The following ARFGEF2 variants were observed in gnomAD, a reference collection of about 807,000 sequenced individuals.
ARFGEF2 encodes the protein brefeldin A-inhibited guanine nucleotide-exchange protein 2.
Under a neutral mutation model 219.9 loss-of-function variants are expected in ARFGEF2, and 74 were observed. The ratio of observed to expected loss-of-function variants is 0.34; its 90% confidence interval spans 0.28 to 0.41. The LOEUF (loss-of-function observed/expected upper bound fraction) is 0.41, where lower values mean the gene tolerates loss of function less well. Among genes scored for constraint, ARFGEF2 ranks in the 10% least tolerant of loss-of-function variants. The probability of loss-of-function intolerance (pLI) is 1.00; values close to 1 mark genes in which losing one functional copy is unlikely to be tolerated. For missense variants in ARFGEF2, 1,743 were observed against 2,218.3 expected, an observed-to-expected ratio of 0.79 and a Z score of 4.30; for synonymous variants, 733 against 799.2, an observed-to-expected ratio of 0.92 and a Z score of 1.40.
intron 1 of ARFGEF2, among the ~76,000 whole-genome samples, chr20:48,925,532 C>T (rs1168247961): frequency 1.3e-5 from 2 of 151,996 alleles, no homozygotes; most frequent in Admixed American, 6.6e-5. Flanking sequence ...ATTTAAAATT[C>T]GATATGGAAA....
intron 26 of ARFGEF2, 24 bp from the exon 27 acceptor site, chr20:49,010,208 A>G (rs967361968): frequency 6.2e-7 from 1 of 1,609,716 alleles, no homozygotes; most frequent in Non-Finnish European, 8.5e-7. Flanking sequence ...TACAGACGAT[A>G]TGGCCGTCCC....
At chr20:49,004,468 G>T (rs927687668) in intron 25 of ARFGEF2, among the ~76,000 whole-genome samples, 1 of 151,726 alleles carries the variant, frequency 6.6e-6, no homozygotes, top group Non-Finnish European at 1.5e-5. Flanking sequence ...GAAAAATTGG[G>T]TATAGTTGCA....
At position 48,922,129 on chromosome 20, in the gene ARFGEF2, C is replaced by G. The variant is rs1262138210; in HGVS notation, c.121+119C>G. On this transcript the variant is annotated intron_variant, in intron 1 of 38. Transcript: ENST00000371917. ...GCTTCCCCCCGATCCCGAATTCCAC[C>G]CTTCCGGCCTCCTCCTCATTATACC... 4 of 1,433,408 alleles carry G rather than the reference C, an allele frequency of 2.8e-6. No individual in the cohort carries two copies. In the African/African-American group the frequency reaches 4.3e-5, roughly 15 times the overall value. The allele number at this position is 1,433,408 out of a possible 1,614,324, so 88.8% of individuals were successfully genotyped here.
chr20:48,997,094 CT>C (rs1303771877), intron 23 of ARFGEF2, among the ~76,000 whole-genome samples: 3 of 151,964 alleles, frequency 2.0e-5, no homozygotes, highest in African/African-American at 7.3e-5. Context: ...CCCTTTAATT[CT>C]ATCCTTTTTC....
At position 48,963,175 on chromosome 20, in the gene ARFGEF2, C is replaced by CAAAAAAAAA. The variant is rs71337478; in HGVS notation, c.839-649_839-641dup. On this transcript the variant is annotated intron_variant, in intron 6 of 38. Coordinates refer to ENST00000371917, the MANE Select transcript of ARFGEF2 (RefSeq NM_006420.3). ...TGGGCAAGACAGCAAAACTCTGTCTCAAAAAAAAAAAAAAGTAATGTTTAC... is the reference window on the plus strand; with the variant it reads ...TGGGCAAGACAGCAAAACTCTGTCTCAAAAAAAAAAAAAAAAAAAAAAAGTAATGTTTAC... Among the ~76,000 whole-genome samples the CAAAAAAAAA allele has an allele frequency of 7.3e-4, 81 of 110,834 alleles. 3 individuals are homozygous for CAAAAAAAAA. The South Asian group carries it at 0.01, about 14-fold the overall frequency. The allele number at this position is 110,834 out of a possible 152,430, so 72.7% of individuals were successfully genotyped here. A position where few individuals can be genotyped will look rare whatever the true frequency, so the allele number is the denominator to read the frequency against.
chr20:48,978,754 T>G (rs2123436164), intron 14 of ARFGEF2, among the ~76,000 whole-genome samples: 1 of 152,354 alleles, frequency 6.6e-6, no homozygotes, highest in African/African-American at 2.4e-5. Flanking sequence ...GGGAGTTCAC[T>G]CATGATTTGG....
At position 48,974,943 on chromosome 20, in the gene ARFGEF2, T is replaced by C; in HGVS notation, c.1774+69T>C. ...CTCCTACGACTGCTAGGAACAGTTGTCTTAGTATAGTTGTCTTAGAATTGA... is the reference window on the plus strand; with the variant it reads ...CTCCTACGACTGCTAGGAACAGTTGCCTTAGTATAGTTGTCTTAGAATTGA... On this transcript the variant is annotated intron_variant, in intron 13 of 38. Transcript: ENST00000371917. 2.3e-6 allele frequency: 3 copies of C among 1,310,298 alleles called. No homozygotes were observed. In the South Asian group the frequency reaches 3.7e-5, roughly 16 times the overall value. The allele number at this position is 1,310,298 out of a possible 1,614,324, so 81.2% of individuals were successfully genotyped here.
At chr20:48,941,291 G>C in intron 2 of ARFGEF2, 62 bp downstream of exon 2, 7 of 1,545,900 alleles carry the variant, frequency 4.5e-6, no homozygotes, top group Non-Finnish European at 6.2e-6. Context: ...AGCAACTGGG[G>C]GAGCCTCTTT....
At chr20:49,009,272 C>T (rs1486939744) in intron 26 of ARFGEF2, among the ~76,000 whole-genome samples, 2 of 152,148 alleles carry the variant, frequency 1.3e-5, no homozygotes, top group East Asian at 3.9e-4. Flanking sequence ...TGACTTTCTC[C>T]TTGCCTTCTC....
rs547717575 is a variant in ARFGEF2 at position 48,923,803 on chromosome 20, C to G, written c.121+1793C>G. ...AAAGTGTGCATCATATTATTGGAAC[C>G]TACTTATAAAATTTTCATCTGGGTC... On this transcript the variant is annotated intron_variant, in intron 1 of 38. Coordinates refer to ENST00000371917, the MANE Select transcript of ARFGEF2 (RefSeq NM_006420.3). Among the ~76,000 whole-genome samples the G allele has an allele frequency of 5.3e-5, 8 of 152,274 alleles. No individual in the cohort carries two copies. In the South Asian group the frequency reaches 1.7e-3, roughly 32 times the overall value.
chr20:49,011,453 A>G (rs1568736585), intron 27 of ARFGEF2, among the ~76,000 whole-genome samples: 6 of 152,202 alleles, frequency 3.9e-5, no homozygotes, highest in Admixed American at 3.9e-4. Context: ...AATAAATACA[A>G]CAACTTGCCT....
chr20:48,936,465 C>T (rs1396454642), intron 1 of ARFGEF2, among the ~76,000 whole-genome samples: 10 of 149,202 alleles, frequency 6.7e-5, no homozygotes, highest in African/African-American at 1.7e-4. Flanking sequence ...GGGCGGCTGC[C>T]GGGCGGAGGG....
chr20:49,001,435 T>C (rs908090523), intron 25 of ARFGEF2, among the ~76,000 whole-genome samples: 2 of 152,096 alleles, frequency 1.3e-5, no homozygotes, highest in Non-Finnish European at 2.9e-5. Flanking sequence ...TTTGAAGAAA[T>C]AGATATGGCT....
intron 6 of ARFGEF2, among the ~76,000 whole-genome samples, chr20:48,957,308 C>T (rs925251953): frequency 5.3e-5 from 8 of 152,210 alleles, no homozygotes; most frequent in African/African-American, 1.4e-4. Flanking sequence ...AATGTAGGCA[C>T]ATTCCCTCCC....
chr20:48,941,839 C>T (rs968683319), intron 2 of ARFGEF2, 25 bp from the exon 3 acceptor site: 11 of 1,614,084 alleles, frequency 6.8e-6, no homozygotes, highest in Admixed American at 3.3e-5. Context: ...TTTCTTCTCC[C>T]GACCCTCTCT....
chr20:49,013,989 G>A (rs766357326), intron 30 of ARFGEF2, 29 bp downstream of exon 30: 7 of 1,613,322 alleles, frequency 4.3e-6, no homozygotes, highest in Non-Finnish European at 5.9e-6. Context: ...ACTGCCCTAG[G>A]TATGATGGAG....
In ARFGEF2 at chr20:49,023,048, T is replaced by C; in HGVS notation, c.4625-3T>C. ...TAGGGTTAATCTTTATCATCTAACA[T>C]AGATCAGAAACTGTTTGCCAGCCTC... On this transcript the variant is annotated splice_region_variant and splice_polypyrimidine_tract_variant and intron_variant, in intron 34 of 38. Coordinates refer to ENST00000371917, the MANE Select transcript of ARFGEF2 (RefSeq NM_006420.3). 6.2e-7 allele frequency: 1 copy of C among 1,614,180 alleles called. No individual in the cohort carries two copies. Among genetic ancestry groups the C allele is most frequent in the Non-Finnish European group, 8.5e-7 (1 of 1,180,010 alleles).
chr20:49,023,071 C>T lies in ARFGEF2; in HGVS notation c.4645C>T (p.Leu1549Phe), dbSNP rs1196896506. 3 of 1,614,178 alleles carry T rather than the reference C, an allele frequency of 1.9e-6. No individual in the cohort carries two copies. Among genetic ancestry groups the T allele is most frequent in the Non-Finnish European group, 1.7e-6 (2 of 1,180,012 alleles). ...CATAGATCAGAAACTGTTTGCCAGC[C>T]TCCTCATCAAGTGTGTGGTCCAGTT... is the stretch of plus-strand genomic sequence containing the variant. ...PYANQKLFASLLIKCVVQLEL... is the reference protein window; with the variant it reads ...PYANQKLFASFLIKCVVQLEL... Residue 1549 changes from leucine to phenylalanine, a missense_variant, in exon 35 of 39, where the codon CTC becomes TTC. Physicochemically the swap from Leu to Phe is conservative, Grantham distance 22 (BLOSUM62 0). Coordinates refer to ENST00000371917, the MANE Select transcript of ARFGEF2 (RefSeq NM_006420.3).
chr20:49,017,282 G>C lies in ARFGEF2; in HGVS notation c.4349G>C (p.Cys1450Ser). The change falls in exon 32 of 39, where the codon TGC becomes TCC. Residue 1450 changes from cysteine to serine, a missense_variant. Cys to Ser is a moderately radical substitution (Grantham distance 112). This residue lies in a region of ARFGEF2 where 578 missense variants were observed against 664.0 expected (regional missense o/e 0.87). Transcript: ENST00000371917. Reference protein sequence around the residue: ...NEQLARSGTNCLENLVISNGE... With the variant: ...NEQLARSGTNSLENLVISNGE... ...CAGTTGGCGCGATCAGGTACAAATT[G>C]CTTAGAAAACTTAGTAATATCCAAT... The C allele has an allele frequency of 6.2e-7, 1 of 1,613,980 alleles. No individual in the cohort carries two copies. The highest frequency in any genetic ancestry group is 1.3e-5 in the African/African-American group (1 of 75,040).
Sources: allele counts gnomAD v4.1 joint callset (sites outside exome capture counted in the v4.1 genomes callset), GRCh38; gene constraint gnomAD v4.1.1; regional missense constraint gnomAD v4.1.1; transcripts MANE v1.5; gene names NCBI Gene and HGNC (gene_info 2026-07-23, HGNC 2026-07-21).